The following XRCC1 variants were observed in gnomAD, a reference collection of about 807,000 sequenced individuals.
XRCC1 encodes the protein X-ray repair cross complementing 1.
Under a neutral mutation model 83.3 loss-of-function variants are expected in XRCC1, and 52 were observed. The ratio of observed to expected loss-of-function variants is 0.62; its 90% CI spans 0.50 to 0.79. The LOEUF (loss-of-function observed/expected upper bound fraction) is 0.79, where lower values mean the gene tolerates loss of function less well. Among genes scored for constraint, XRCC1 ranks in the 30% least tolerant of loss-of-function variants. The pLI, the probability that XRCC1 is intolerant of heterozygous loss-of-function variation, is 0.00. For missense variants in XRCC1, 793 were observed against 823.5 expected (o/e 0.96, Z 0.45); for synonymous variants, 281 against 312.6 (o/e 0.90, Z 1.07).
In XRCC1 at chr19:43,552,853, T is replaced by A; in HGVS notation, c.767A>T (p.Lys256Met). The change falls in exon 8 of 17, where the codon AAG becomes ATG. Residue 256 changes from lysine (K) to methionine (M), a missense_variant. Transcript: ENST00000262887. ...RKLDLNQEEK[K>M]TPSKPPAQLS... The stretch of plus-strand genomic sequence containing the variant: ...CTGGGCTGGTGGTTTGCTGGGGGTC[T>A]TCTTTTCTTCTTGGTTCAAATCCAA... The A allele has an allele frequency of 6.2e-7, 1 of 1,613,552 alleles. No individual in the cohort carries two copies. The highest frequency in any genetic ancestry group is 8.5e-7 in the Non-Finnish European group (1 of 1,179,746).
rs534271663 is a variant in XRCC1, at chr19:43,564,714, G to C, written c.145-3694C>G. Among the ~76,000 whole-genome samples the C allele has an allele frequency of 4.6e-5, 7 of 151,332 alleles. No homozygotes were observed. The East Asian group carries it at 1.2e-3, about 25-fold the overall frequency. Reference sequence around the variant, plus strand: ...GAGGCAGGAGAATTGCTTAAACCGGGGGGGCGGAGGTTGCAGTGAGCCGAG... The same window carrying C: ...GAGGCAGGAGAATTGCTTAAACCGGCGGGGCGGAGGTTGCAGTGAGCCGAG... On this transcript the variant is annotated intron_variant, in intron 2 of 16. Coordinates refer to ENST00000262887, the MANE Select transcript of XRCC1 (RefSeq NM_006297.3).
intron 9 of XRCC1, 40 bp downstream of exon 9, chr19:43,551,977 G>A (rs1259498306): frequency 1.5e-5 from 24 of 1,605,198 alleles, no homozygotes; most frequent in Non-Finnish European, 1.9e-5. Context: ...GGAGCTGGGG[G>A]AGAAACTGCA....
intron 2 of XRCC1, among the ~76,000 whole-genome samples, chr19:43,565,432 G>A (rs913537774): frequency 6.6e-6 from 1 of 152,204 alleles, no homozygotes; most frequent in Non-Finnish European, 1.5e-5. Flanking sequence ...CTGCCTGACT[G>A]CAAAGCACTG....
rs781439614 is a variant in XRCC1 at position 43,559,340 on chromosome 19, G to A, written c.255+1570C>T. Among the ~76,000 whole-genome samples the A allele has an allele frequency of 7.9e-5, 12 of 151,122 alleles. No homozygotes were observed. The South Asian group carries it at 2.3e-3, about 29-fold the overall frequency. On this transcript the variant is annotated intron_variant, in intron 3 of 16. Coordinates refer to ENST00000262887, the MANE Select transcript of XRCC1 (RefSeq NM_006297.3). ...CTACTAAAAATACAAAAAATTAGCCGGGCATGGTGGCACGTGCCTGTAGTC... is the reference window on the plus strand; with the variant it reads ...CTACTAAAAATACAAAAAATTAGCCAGGCATGGTGGCACGTGCCTGTAGTC...
At chr19:43,565,180 T>C (rs559753820) in intron 2 of XRCC1, among the ~76,000 whole-genome samples, 2 of 152,320 alleles carry the variant, frequency 1.3e-5, no homozygotes, top group African/African-American at 4.8e-5. Flanking sequence ...AGAGCTCCTT[T>C]GGCCATTAAA....
rs757737985 is a variant in XRCC1, at chr19:43,551,587, G to A, written c.1183C>T (p.Arg395Trp). ...WVLDCHRMRR[R>W]LPSQRYLMAG... Reference sequence around the variant, plus strand: ...AGGCCTTACCTCTGGGAGGGCAGCCGCCGACGCATGCGGTGACAGTCCAGC... The same window carrying A: ...AGGCCTTACCTCTGGGAGGGCAGCCACCGACGCATGCGGTGACAGTCCAGC... The change falls in exon 10 of 17, where the codon CGG (arginine) becomes TGG (tryptophan). Residue 395 changes from arginine (R) to tryptophan (W), a missense_variant. Physicochemically the swap from Arg to Trp is moderately radical, Grantham distance 101. Coordinates refer to ENST00000262887, the MANE Select transcript of XRCC1 (RefSeq NM_006297.3). The A allele has an allele frequency of 3.7e-6, 6 of 1,613,950 alleles. No individual in the cohort carries two copies. The highest frequency in any genetic ancestry group is 2.7e-5 in the African/African-American group (2 of 74,938).
rs1358353056 is a variant in XRCC1 at position 43,551,650 on chromosome 19, G to C, written c.1120C>G (p.Leu374Val). The C allele has an allele frequency of 6.2e-7, 1 of 1,614,084 alleles. No homozygotes were observed. Residue 374 changes from leucine (L) to valine (V), a missense_variant, in exon 10 of 17, where the codon CTA (leucine) becomes GTA (valine). Transcript: ENST00000262887. ...FANTPKYSQV[L>V]GLGGRIVRKE... Reference sequence around the variant, plus strand: ...CGCACGATGCGGCCTCCCAGGCCTAGGACCTGGCTGTACTTGGGGGTGTTG... The same window carrying C: ...CGCACGATGCGGCCTCCCAGGCCTACGACCTGGCTGTACTTGGGGGTGTTG...
chr19:43,568,426 G>A (rs1448265418), intron 2 of XRCC1, among the ~76,000 whole-genome samples: 2 of 152,006 alleles, frequency 1.3e-5, no homozygotes. Flanking sequence ...GAAGCTGGGA[G>A]GGGGAGGTTG....
At chr19:43,547,256 G>A (rs978184149) in intron 10 of XRCC1, among the ~76,000 whole-genome samples, 9 of 151,498 alleles carry the variant, frequency 5.9e-5, no homozygotes, top group East Asian at 5.8e-4. Flanking sequence ...GCCTCATCTC[G>A]GCTCACTGCA....
Position 43,546,612 on chromosome 19 carries a change from A to G in XRCC1, c.1409T>C (p.Ile470Thr), listed in dbSNP as rs775829578. Reference sequence around the variant, plus strand: ...AGTCTGACCTGACTGTACCCCCTCAATGTCTATATCTTCCTGGAGCACTGG... The same window carrying G: ...AGTCTGACCTGACTGTACCCCCTCAGTGTCTATATCTTCCTGGAGCACTGG... ...ASPVLQEDID[I>T]EGVQSEGQDN... Residue 470 changes from isoleucine to threonine, a missense_variant, in exon 12 of 17, where the codon ATT becomes ACT. By Grantham distance (89) the Ile-to-Thr change is moderately conservative. Transcript: ENST00000262887. 2.5e-6 allele frequency: 4 copies of G among 1,609,436 alleles called. No individual in the cohort carries two copies. The Admixed American group carries it at 5.1e-5, about 21-fold the overall frequency.
intron 3 of XRCC1, among the ~76,000 whole-genome samples, chr19:43,556,151 G>A (rs1026862324): frequency 1.2e-4 from 19 of 152,128 alleles, no homozygotes; most frequent in African/African-American, 4.1e-4. Context: ...GCCTCCCAAA[G>A]CTATAGAAGT....
chr19:43,551,962 C>A, intron 9 of XRCC1, 55 bp downstream of exon 9: 1 of 1,587,640 alleles, frequency 6.3e-7, no homozygotes, highest in Non-Finnish European at 8.6e-7. Context: ...GTGGAGGAGA[C>A]ACAGGGAGCT....
At chr19:43,561,090 G>GA in intron 2 of XRCC1, 70 bp from the exon 3 acceptor site, 4 of 1,243,966 alleles carry the variant, frequency 3.2e-6, no homozygotes, top group Non-Finnish European at 4.7e-6. Flanking sequence ...ACCTCAGGAT[G>GA]AATCTCCTTT....
chr19:43,544,295 A>T, intron 14 of XRCC1, 61 bp from the exon 15 acceptor site: 1 of 1,431,166 alleles, frequency 7.0e-7, no homozygotes, highest in Non-Finnish European at 9.6e-7. Flanking sequence ...GGCACCAAAC[A>T]GGAGTGACGA....
chr19:43,552,935 C>G, intron 7 of XRCC1, 27 bp from the exon 8 acceptor site: 3 of 1,611,196 alleles, frequency 1.9e-6, no homozygotes, highest in Non-Finnish European at 2.5e-6. Context: ...GGATTGAGGC[C>G]TCCAGCTTCT....
chr19:43,563,680 C>T (rs544352987), intron 2 of XRCC1, among the ~76,000 whole-genome samples: 3 of 152,282 alleles, frequency 2.0e-5, no homozygotes, highest in Admixed American at 1.3e-4. Flanking sequence ...TTCCCTCAAA[C>T]ATATCCATAG....
At chr19:43,570,363 G>A (rs1972795478) in intron 2 of XRCC1, among the ~76,000 whole-genome samples, 1 of 152,238 alleles carries the variant, frequency 6.6e-6, no homozygotes, top group African/African-American at 2.4e-5. Flanking sequence ...AGACAACAGA[G>A]CCTGCTGTGG....
chr19:43,544,696 ACGGGGTATTGACATGTTGCT>A (rs1972490988), intron 14 of XRCC1, among the ~76,000 whole-genome samples: 2 of 152,180 alleles, frequency 1.3e-5, no homozygotes, highest in African/African-American at 4.8e-5. Flanking sequence ...TTGTAGAGAG[ACGGGGTATTGACATGTTGCT>A]CAGGCTGGTC....
intron 2 of XRCC1, among the ~76,000 whole-genome samples, chr19:43,567,366 G>A (rs1486386957): frequency 1.3e-5 from 2 of 151,924 alleles, no homozygotes; most frequent in Admixed American, 6.6e-5. Flanking sequence ...AGGCTGGAGT[G>A]CAGTGGTGCA....
Sources: allele counts gnomAD v4.1 joint callset (sites outside exome capture counted in the v4.1 genomes callset), GRCh38; gene constraint gnomAD v4.1.1; transcripts MANE v1.5; gene names NCBI Gene and HGNC (gene_info 2026-07-23, HGNC 2026-07-21).